Variants in SAMSN1 observed in about 807,000 individuals in gnomAD.
The protein encoded by SAMSN1 is SAM domain, SH3 domain and nuclear localization signals 1, also known as SAM domain-containing protein SAMSN-1.
Under a neutral mutation model 42.0 loss-of-function variants are expected in SAMSN1, and 31 were observed. The ratio of observed to expected loss-of-function variants is 0.74; its 90% CI spans 0.55 to 1.00. The LOEUF (loss-of-function observed/expected upper bound fraction) is 1.00, where lower values mean the gene tolerates loss of function less well. Among genes scored for constraint, SAMSN1 ranks in the 50% least tolerant of loss-of-function variants. SAMSN1 has a pLI of 0.00. For synonymous variants in SAMSN1, 178 were observed against 151.9 expected (o/e 1.17, Z -1.26); for missense variants, 464 against 439.4 (o/e 1.06, Z -0.50).
chr21:14,656,965 C>G (rs1983926733), intron 1 of SAMSN1, among the ~76,000 whole-genome samples: 1 of 151,540 alleles, frequency 6.6e-6, no homozygotes, highest in Non-Finnish European at 1.5e-5. Context: ...TTTTTATTCT[C>G]TTTTCTTAAA....
chr21:14,647,733 A>G (rs1300457146), intron 1 of SAMSN1, among the ~76,000 whole-genome samples: 2 of 134,966 alleles, frequency 1.5e-5, no homozygotes, highest in South Asian at 2.6e-4. Flanking sequence ...TAGGTATTTT[A>G]TTCTCTTTGA....
At chr21:14,610,541 C>T (rs942839394) in intron 4 of SAMSN1, among the ~76,000 whole-genome samples, 14 of 152,174 alleles carry the variant, frequency 9.2e-5, no homozygotes, top group African/African-American at 2.4e-4. Flanking sequence ...ACACCCTATT[C>T]GTGCACTCCC....
At chr21:14,545,504 A>G (rs985243847) in intron 1 of SAMSN1, among the ~76,000 whole-genome samples, 4 of 151,460 alleles carry the variant, frequency 2.6e-5, no homozygotes, top group Non-Finnish European at 5.9e-5. Flanking sequence ...CTAGAGTTCT[A>G]CAATAGAATT....
chr21:14,604,338 G>T (rs1431192089), intron 5 of SAMSN1, among the ~76,000 whole-genome samples: 1 of 152,124 alleles, frequency 6.6e-6, no homozygotes, highest in East Asian at 1.9e-4. Context: ...TTCTCCTGTT[G>T]ACTCTGGGGT....
intron 3 of SAMSN1, among the ~76,000 whole-genome samples, chr21:14,615,495 A>T (rs900911855): frequency 2.0e-5 from 3 of 152,108 alleles, no homozygotes; most frequent in Non-Finnish European, 2.9e-5. Flanking sequence ...CTTCCTGCCC[A>T]TGTGTAATTC....
chr21:14,564,866 C>A (rs1315798294), intron 2 of SAMSN1, among the ~76,000 whole-genome samples: 1 of 152,098 alleles, frequency 6.6e-6, no homozygotes, highest in Non-Finnish European at 1.5e-5. Flanking sequence ...CAAATCCACT[C>A]AGCAGGAAAA....
At chr21:14,593,138 GATGTTAATAAC>G (rs1398886609) in intron 7 of SAMSN1, among the ~76,000 whole-genome samples, 1 of 152,018 alleles carries the variant, frequency 6.6e-6, no homozygotes, top group African/African-American at 2.4e-5. Context: ...TAAAAACTTA[GATGTTAATAAC>G]ATGTTAATAA....
chr21:14,501,999 G>T (rs60287287), intron 5 of SAMSN1, among the ~76,000 whole-genome samples: 1 of 152,160 alleles, frequency 6.6e-6, no homozygotes, highest in Admixed American at 6.5e-5. Context: ...AAGAGTTATA[G>T]TTCCTCCTTT....
At chr21:14,629,663 C>A (rs547091761) in intron 2 of SAMSN1, among the ~76,000 whole-genome samples, 1 of 152,108 alleles carries the variant, frequency 6.6e-6, no homozygotes, top group African/African-American at 2.4e-5. Flanking sequence ...TAGCTTATAG[C>A]GCCTGGAGAA....
At chr21:14,582,615 A>T in intron 1 of SAMSN1, 1 of 431,060 alleles carries the variant, frequency 2.3e-6, no homozygotes, top group Non-Finnish European at 4.1e-6. Context: ...TCAATTTTAT[A>T]AAATTATTTA....
intron 2 of SAMSN1, among the ~76,000 whole-genome samples, chr21:14,623,862 C>T (rs1983088694): frequency 6.6e-6 from 1 of 152,172 alleles, no homozygotes; most frequent in Admixed American, 6.5e-5. Context: ...CCAAAACTGA[C>T]CACATAGTTA....
chr21:14,510,214 C>T, intron 5 of SAMSN1, 96 bp downstream of exon 5: 2 of 1,173,518 alleles, frequency 1.7e-6, no homozygotes, highest in African/African-American at 1.5e-5. Flanking sequence ...GAAGAACACA[C>T]TCACACTGTC....
intron 1 of SAMSN1, among the ~76,000 whole-genome samples, chr21:14,645,447 T>C (rs545673375): frequency 7.2e-5 from 11 of 152,374 alleles, no homozygotes; most frequent in Middle Eastern, 3.4e-3. Context: ...AGAACCACAG[T>C]GCTACTGGGC....
chr21:14,614,187 T>C (rs1434586429), intron 3 of SAMSN1, among the ~76,000 whole-genome samples: 1 of 152,228 alleles, frequency 6.6e-6, no homozygotes, highest in Non-Finnish European at 1.5e-5. Flanking sequence ...GTATTGTGAT[T>C]ATGCTTTTTA....
At chr21:14,583,716 G>T (rs1283830143), upstream of SAMSN1, 1 of 717,582 alleles carries the variant, frequency 1.4e-6, no homozygotes, top group Non-Finnish European at 2.6e-6. Flanking sequence ...GTCCAAACCA[G>T]TTTCTGTAGT....
At chr21:14,603,480 A>G (rs1005762475) in intron 5 of SAMSN1, among the ~76,000 whole-genome samples, 12 of 152,240 alleles carry the variant, frequency 7.9e-5, no homozygotes, top group African/African-American at 2.9e-4. Flanking sequence ...TGAAGAATGG[A>G]TACAGTTTGA....
chr21:14,563,917 A>C (rs955015514), intron 2 of SAMSN1, among the ~76,000 whole-genome samples: 2 of 152,170 alleles, frequency 1.3e-5, no homozygotes, highest in African/African-American at 2.4e-5. Flanking sequence ...TATAGGTACA[A>C]TTAAGAATGG....
chr21:14,490,071 T>C (rs1288259578), intron 7 of SAMSN1, among the ~76,000 whole-genome samples: 1 of 152,190 alleles, frequency 6.6e-6, no homozygotes, highest in Non-Finnish European at 1.5e-5. Context: ...AACTAATTTT[T>C]GCTTGACTTT....
intron 2 of SAMSN1, among the ~76,000 whole-genome samples, chr21:14,635,192 C>T (rs1983435381): frequency 6.6e-6 from 1 of 151,910 alleles, no homozygotes; most frequent in African/African-American, 2.4e-5. Context: ...GGGGCAATGA[C>T]GAGGGGAGGG....
Sources: gnomAD v4.1 joint callset for allele counts (sites outside exome capture counted in the v4.1 genomes callset) on GRCh38, gnomAD v4.1.1 for gene constraint, MANE v1.5 for transcripts, NCBI Gene and HGNC (gene_info 2026-07-23, HGNC 2026-07-21) for gene names.